KCNIP4: variants seen among roughly 807,000 people sequenced by gnomAD.
KCNIP4 encodes potassium voltage-gated channel interacting protein 4.
In KCNIP4, 12 loss-of-function variants were observed where a neutral mutation model predicts 34.0. The ratio of observed to expected loss-of-function variants is 0.35; its 90% CI spans 0.23 to 0.57. KCNIP4 has a LOEUF of 0.57. Among genes scored for constraint, KCNIP4 ranks in the 20% least tolerant of loss-of-function variants. The probability of loss-of-function intolerance (pLI) is 0.83; values close to 1 mark genes in which losing one functional copy is unlikely to be tolerated. For synonymous variants in KCNIP4, 124 were observed against 102.2 expected (o/e 1.21, Z -1.29); for missense variants, 238 against 311.7 (o/e 0.76, Z 1.78).
intron 1 of KCNIP4, among the ~76,000 whole-genome samples, chr4:21,556,917 T>A (rs1458028410): frequency 2.8e-5 from 1 of 35,742 alleles, no homozygotes. Context: ...CAAGACTCCA[T>A]CTCAGAAAAA....
chr4:21,663,588 A>G (rs1577788587), intron 1 of KCNIP4, among the ~76,000 whole-genome samples: 1 of 152,306 alleles, frequency 6.6e-6, no homozygotes, highest in Middle Eastern at 3.4e-3. Flanking sequence ...TGACCCACAC[A>G]GGCCTTGAAC....
At chr4:21,393,585 G>A (rs2109523850) in intron 1 of KCNIP4, among the ~76,000 whole-genome samples, 1 of 152,148 alleles carries the variant, frequency 6.6e-6, no homozygotes, top group African/African-American at 2.4e-5. Context: ...TTAGCACCTT[G>A]GTACGCAAAA....
At chr4:21,392,069 A>T (rs1018038557) in intron 1 of KCNIP4, among the ~76,000 whole-genome samples, 1 of 152,202 alleles carries the variant, frequency 6.6e-6, no homozygotes, top group Non-Finnish European at 1.5e-5. Context: ...CTGATATTTT[A>T]CTGAGACTAC....
chr4:21,096,300 A>C (rs1186362429), intron 1 of KCNIP4, among the ~76,000 whole-genome samples: 1 of 152,120 alleles, frequency 6.6e-6, no homozygotes, highest in Non-Finnish European at 1.5e-5. Context: ...AAAAATTCAG[A>C]TCCTGAAAAT....
intron 1 of KCNIP4, among the ~76,000 whole-genome samples, chr4:21,937,392 G>C (rs1729918408): frequency 6.6e-6 from 1 of 151,730 alleles, no homozygotes; most frequent in Non-Finnish European, 1.5e-5. Flanking sequence ...CTTTACCCTT[G>C]TTCAAACGTT....
intron 2 of KCNIP4, among the ~76,000 whole-genome samples, chr4:20,872,628 T>C (rs955149757): frequency 2.6e-5 from 4 of 152,086 alleles, no homozygotes; most frequent in African/African-American, 9.7e-5. Context: ...AAATGGAAAA[T>C]AGGTTGTATA....
intron 1 of KCNIP4, among the ~76,000 whole-genome samples, chr4:21,426,545 G>T (rs1250992766): frequency 2.0e-5 from 3 of 152,156 alleles, no homozygotes; most frequent in Non-Finnish European, 2.9e-5. Flanking sequence ...CATTTTTGTG[G>T]TTTTTTTATT....
intron 1 of KCNIP4, among the ~76,000 whole-genome samples, chr4:21,445,098 C>CA (rs1339236078): frequency 6.6e-6 from 1 of 152,118 alleles, no homozygotes; most frequent in Non-Finnish European, 1.5e-5. Context: ...AGGAGAACTA[C>CA]AAACCACTGC....
chr4:21,800,433 A>C (rs577622799), intron 1 of KCNIP4, among the ~76,000 whole-genome samples: 1 of 152,196 alleles, frequency 6.6e-6, no homozygotes, highest in Non-Finnish European at 1.5e-5. Flanking sequence ...CAAGGATTAT[A>C]AAAATGAACC....
intron 1 of KCNIP4, among the ~76,000 whole-genome samples, chr4:21,218,865 G>A (rs1757798173): frequency 6.6e-6 from 1 of 152,110 alleles, no homozygotes; most frequent in African/African-American, 2.4e-5. Context: ...ATATGTGGGA[G>A]TATTAACTCT....
chr4:21,363,068 T>C (rs1306935202), intron 1 of KCNIP4, among the ~76,000 whole-genome samples: 1 of 152,174 alleles, frequency 6.6e-6, no homozygotes, highest in Non-Finnish European at 1.5e-5. Context: ...ATGAGTTCTT[T>C]CTTTATCTCC....
intron 1 of KCNIP4, among the ~76,000 whole-genome samples, chr4:21,191,715 A>G (rs1437965624): frequency 6.6e-6 from 1 of 152,216 alleles, no homozygotes; most frequent in African/African-American, 2.4e-5. Flanking sequence ...CTTTTAAATG[A>G]TGTATGAAAC....
chr4:20,947,636 T>C (rs1195179095), intron 1 of KCNIP4, among the ~76,000 whole-genome samples: 1 of 152,154 alleles, frequency 6.6e-6, no homozygotes, highest in Non-Finnish European at 1.5e-5. Context: ...ATAACCTAAA[T>C]ACAGAGAAGC....
At chr4:21,344,910 A>G (rs1717141139) in intron 1 of KCNIP4, among the ~76,000 whole-genome samples, 1 of 152,178 alleles carries the variant, frequency 6.6e-6, no homozygotes. Context: ...ACAGAACTCA[A>G]GTCTGACAGA....
chr4:20,976,672 G>A (rs1308987688), intron 1 of KCNIP4, among the ~76,000 whole-genome samples: 1 of 152,088 alleles, frequency 6.6e-6, no homozygotes, highest in Non-Finnish European at 1.5e-5. Flanking sequence ...GCCCCTGGAA[G>A]GAGCTGAGCT....
chr4:21,277,001 G>A (rs553590001), intron 1 of KCNIP4, among the ~76,000 whole-genome samples: 2 of 152,310 alleles, frequency 1.3e-5, no homozygotes, highest in East Asian at 3.9e-4. Context: ...CATATGCTAA[G>A]CACGGTGTGA....
intron 1 of KCNIP4, among the ~76,000 whole-genome samples, chr4:21,515,183 G>T (rs2109932556): frequency 6.6e-6 from 1 of 152,194 alleles, no homozygotes; most frequent in South Asian, 2.1e-4. Context: ...CCCTCAACTA[G>T]GCTGGAGCTC....
intron 1 of KCNIP4, among the ~76,000 whole-genome samples, chr4:21,750,817 T>C (rs1314110733): frequency 6.6e-6 from 1 of 152,126 alleles, no homozygotes; most frequent in African/African-American, 2.4e-5. Flanking sequence ...AGGCTACTAA[T>C]GTGAGCATTC....
chr4:21,219,911 T>C (rs988183746), intron 1 of KCNIP4, among the ~76,000 whole-genome samples: 4 of 152,184 alleles, frequency 2.6e-5, no homozygotes, highest in African/African-American at 9.6e-5. Flanking sequence ...TCTTCTTCTG[T>C]ATAAAATACT....
Sources: gnomAD v4.1 joint callset for allele counts (sites outside exome capture counted in the v4.1 genomes callset) on GRCh38, gnomAD v4.1.1 for gene constraint, MANE v1.5 for transcripts, NCBI Gene and HGNC (gene_info 2026-07-23, HGNC 2026-07-21) for gene names.